SPOCK1: variants seen among roughly 807,000 people sequenced by gnomAD.
SPOCK1 encodes the protein testican-1.
In SPOCK1, 23 loss-of-function variants were observed where a neutral mutation model predicts 55.3. The observed-to-expected ratio is 0.42, with a 90% CI of 0.30 to 0.59. SPOCK1 has a LOEUF of 0.59. Among genes scored for constraint, SPOCK1 ranks in the 20% least tolerant of loss-of-function variants. The probability of loss-of-function intolerance (pLI) is 0.22; values close to 1 mark genes in which losing one functional copy is unlikely to be tolerated. For synonymous variants in SPOCK1, 226 were observed against 221.0 expected, an observed-to-expected ratio of 1.02 and a Z score of -0.20; for missense variants, 499 against 552.5, an observed-to-expected ratio of 0.90 and a Z score of 0.97.
intron 8 of SPOCK1, among the ~76,000 whole-genome samples, chr5:136,985,540 A>AT (rs1188919397): frequency 1.3e-5 from 2 of 151,936 alleles, no homozygotes; most frequent in African/African-American, 4.9e-5. Flanking sequence ...GCCAAGGCTT[A>AT]TTAGTGGGGA....
chr5:137,341,619 C>A (rs1361495233), intron 2 of SPOCK1, among the ~76,000 whole-genome samples: 3 of 152,162 alleles, frequency 2.0e-5, no homozygotes, highest in Admixed American at 1.3e-4. Flanking sequence ...CTCATTTGTT[C>A]CATGAGTTTT....
intron 2 of SPOCK1, among the ~76,000 whole-genome samples, chr5:137,323,872 C>T (rs1758026639): frequency 6.6e-6 from 1 of 152,112 alleles, no homozygotes; most frequent in Non-Finnish European, 1.5e-5. Flanking sequence ...CACATATTAT[C>T]AGATAGTGTA....
chr5:137,304,163 C>T (rs1201090704), intron 2 of SPOCK1, among the ~76,000 whole-genome samples: 1 of 151,830 alleles, frequency 6.6e-6, no homozygotes, highest in African/African-American at 2.4e-5. Context: ...GGAAAAAATC[C>T]ACCACCTCAT....
chr5:137,004,303 G>A (rs890848084), intron 6 of SPOCK1, among the ~76,000 whole-genome samples: 1 of 152,142 alleles, frequency 6.6e-6, no homozygotes, highest in African/African-American at 2.4e-5. Flanking sequence ...TGAGGGTCTA[G>A]AGACAAACTG....
chr5:137,136,479 T>G (rs1024763510), intron 4 of SPOCK1, among the ~76,000 whole-genome samples: 18 of 152,206 alleles, frequency 1.2e-4, no homozygotes, highest in African/African-American at 4.3e-4. Flanking sequence ...AATAGAAATT[T>G]TTATATGCAA....
intron 2 of SPOCK1, among the ~76,000 whole-genome samples, chr5:137,443,903 T>C (rs1919512): frequency 0.72 from 109,172 of 152,004 alleles, 39,285 homozygotes; most frequent in South Asian, 0.82. Flanking sequence ...AATCCTTCAG[T>C]AGGTCCCATC....
intron 3 of SPOCK1, among the ~76,000 whole-genome samples, chr5:137,157,095 G>A (rs555752813): frequency 5.3e-5 from 8 of 151,876 alleles, no homozygotes; most frequent in South Asian, 4.2e-4. Context: ...CTGCTGCCCC[G>A]GTCCCTTCCT....
chr5:137,209,356 C>T (rs994743851), intron 3 of SPOCK1, among the ~76,000 whole-genome samples: 1 of 152,230 alleles, frequency 6.6e-6, no homozygotes, highest in African/African-American at 2.4e-5. Context: ...GCCAGCATCG[C>T]ATGACCTGCA....
At chr5:136,996,680 A>C (rs1273481976) in intron 6 of SPOCK1, among the ~76,000 whole-genome samples, 1 of 152,192 alleles carries the variant, frequency 6.6e-6, no homozygotes, top group Non-Finnish European at 1.5e-5. Flanking sequence ...TGCACCAATC[A>C]GTGCTCTGTA....
chr5:137,179,852 G>A (rs1754933993), intron 3 of SPOCK1, among the ~76,000 whole-genome samples: 3 of 152,136 alleles, frequency 2.0e-5, no homozygotes, highest in South Asian at 4.1e-4. Context: ...AAATGTAGAT[G>A]AGGTCTTCTA....
chr5:137,415,750 G>A lies in SPOCK1; in HGVS notation c.186+82623C>T, dbSNP rs542422894. Among the ~76,000 whole-genome samples, 3 of 152,116 alleles carry A rather than the reference G, an allele frequency of 2.0e-5. No individual in the cohort carries two copies. In the South Asian group the frequency reaches 6.2e-4, roughly 32 times the overall value. ...GGTGGCAAGCTCACTTAAGGTTTCTGGGAAAAAAAGAGAAACTTTTGCTGA... is the reference window on the plus strand; with the variant it reads ...GGTGGCAAGCTCACTTAAGGTTTCTAGGAAAAAAAGAGAAACTTTTGCTGA... On this transcript the variant is annotated intron_variant, in intron 2 of 10. Transcript: ENST00000394945.
intron 2 of SPOCK1, among the ~76,000 whole-genome samples, chr5:137,487,402 C>G (rs1004246773): frequency 1.5e-4 from 22 of 150,422 alleles, no homozygotes; most frequent in African/African-American, 5.1e-4. Context: ...AAGAGAGTAT[C>G]AGGTAATGTC....
intron 3 of SPOCK1, among the ~76,000 whole-genome samples, chr5:137,213,067 A>G (rs911035462): frequency 2.6e-5 from 4 of 152,192 alleles, no homozygotes; most frequent in African/African-American, 7.2e-5. Context: ...AGAAAGCCCA[A>G]TGCAGCAGCT....
At chr5:137,352,138 T>G (rs1750694170) in intron 2 of SPOCK1, among the ~76,000 whole-genome samples, 1 of 152,234 alleles carries the variant, frequency 6.6e-6, no homozygotes, top group African/African-American at 2.4e-5. Context: ...CTTGCCAGCC[T>G]GTTTAGAAGG....
chr5:137,187,899 T>C (rs577428812), intron 3 of SPOCK1, among the ~76,000 whole-genome samples: 1 of 152,304 alleles, frequency 6.6e-6, no homozygotes, highest in South Asian at 2.1e-4. Context: ...TTATGATCCA[T>C]TATGAGATAG....
chr5:137,084,086 T>G (rs1039677856), intron 5 of SPOCK1, among the ~76,000 whole-genome samples: 1 of 152,122 alleles, frequency 6.6e-6, no homozygotes. Flanking sequence ...TGATGAGAGT[T>G]CAGCTCAGTG....
At chr5:137,178,471 G>A (rs1754900563) in intron 3 of SPOCK1, among the ~76,000 whole-genome samples, 3 of 152,224 alleles carry the variant, frequency 2.0e-5, no homozygotes, top group African/African-American at 7.2e-5. Flanking sequence ...CTTCCCATGA[G>A]GAAGCATCTT....
At position 137,247,407 on chromosome 5, in the gene SPOCK1, C is replaced by T. The variant is rs73296732; in HGVS notation, c.232+19603G>A. Among the ~76,000 whole-genome samples the T allele has an allele frequency of 5.4e-3, 827 of 152,254 alleles. 5 individuals are homozygous for T. The highest frequency in any genetic ancestry group is 0.019 in the African/African-American group (779 of 41,542). Reference sequence around the variant, plus strand: ...CAGCCATGCAGAAATTATGGCCTTGCTATGGTGAGTACCCATATCATCCTA... The same window carrying T: ...CAGCCATGCAGAAATTATGGCCTTGTTATGGTGAGTACCCATATCATCCTA... On this transcript the variant is annotated intron_variant, in intron 3 of 10. Coordinates refer to ENST00000394945, the MANE Select transcript of SPOCK1 (RefSeq NM_004598.4).
At chr5:137,097,271 G>T (rs1398519736) in intron 5 of SPOCK1, among the ~76,000 whole-genome samples, 1 of 152,160 alleles carries the variant, frequency 6.6e-6, no homozygotes, top group African/African-American at 2.4e-5. Context: ...GACTTGCCCA[G>T]CAAAAGCAGT....
Sources: gnomAD v4.1 joint callset for allele counts (sites outside exome capture counted in the v4.1 genomes callset) on GRCh38, gnomAD v4.1.1 for gene constraint, MANE v1.5 for transcripts, NCBI Gene and HGNC (gene_info 2026-07-23, HGNC 2026-07-21) for gene names.